MTA3: variants seen among roughly 807,000 people sequenced by gnomAD.
MTA3 encodes metastasis-associated protein MTA3.
A neutral mutation model predicts 83.5 loss-of-function variants in MTA3; 34 were observed. That is an observed-to-expected ratio of 0.41 (90% CI 0.31 to 0.54). The LOEUF (loss-of-function observed/expected upper bound fraction) is 0.54. Among genes scored for constraint, MTA3 ranks in the 20% least tolerant of loss-of-function variants. The pLI is 0.33. For synonymous variants in MTA3, 303 were observed against 252.7 expected (o/e 1.20, Z -1.89); for missense variants, 761 against 726.4 (o/e 1.05, Z -0.55).
intron 11 of MTA3, chr2:42,703,301 A>G (rs1665756956): frequency 6.6e-6 from 1 of 152,190 alleles, no homozygotes; most frequent in African/African-American, 2.4e-5. Flanking sequence ...ATGCTATGTA[A>G]TATTTCTGAT....
At chr2:42,663,222 T>G (rs1009401116) in intron 8 of MTA3, among the ~76,000 whole-genome samples, 1 of 152,170 alleles carries the variant, frequency 6.6e-6, no homozygotes, top group African/African-American at 2.4e-5. Context: ...AGCTTGTTCC[T>G]GAGATGGTGG....
At chr2:42,553,883 A>G (rs1457935395) in intron 2 of MTA3, among the ~76,000 whole-genome samples, 3 of 53,530 alleles carry the variant, frequency 5.6e-5, no homozygotes, top group Admixed American at 2.2e-4. Context: ...AAAAAAAAAA[A>G]AAAAGAAAAA....
intron 4 of MTA3, among the ~76,000 whole-genome samples, chr2:42,637,083 G>C (rs1213244101): frequency 1.3e-5 from 2 of 152,230 alleles, no homozygotes; most frequent in Non-Finnish European, 2.9e-5. Flanking sequence ...TTGAACGTGT[G>C]ACTTTGTTTT....
chr2:42,611,322 T>TAC (rs141803741), intron 4 of MTA3, among the ~76,000 whole-genome samples: 162 of 16,078 alleles, frequency 0.01, 1 homozygote, highest in Middle Eastern at 0.071. Flanking sequence ...ACTTAACACA[T>TAC]ACACACACAC....
chr2:42,532,814 G>T (rs2103725511), intron 2 of MTA3: 3 of 403,804 alleles, frequency 7.4e-6, no homozygotes, highest in South Asian at 2.3e-5. Context: ...CCTTCCCATT[G>T]GTTCTCTCAC....
At chr2:42,505,947 T>C (rs984492794) in intron 2 of MTA3, among the ~76,000 whole-genome samples, 3 of 151,836 alleles carry the variant, frequency 2.0e-5, no homozygotes, top group Non-Finnish European at 4.4e-5. Context: ...TTTTGAAATT[T>C]TAATAGAGCG....
At chr2:42,565,683 C>T (rs1677879139), upstream of MTA3, among the ~76,000 whole-genome samples, 2 of 151,994 alleles carry the variant, frequency 1.3e-5, no homozygotes, top group South Asian at 4.2e-4. Flanking sequence ...TATGAAGCGC[C>T]CAACAAGTGC....
At chr2:42,652,984 CTT>C (rs1423899412) in intron 6 of MTA3, among the ~76,000 whole-genome samples, 1 of 152,100 alleles carries the variant, frequency 6.6e-6, no homozygotes, top group Non-Finnish European at 1.5e-5. Context: ...AGGAAAGGGC[CTT>C]TAGGAATCCT....
intron 9 of MTA3, 74 bp downstream of exon 9, chr2:42,682,663 C>A: frequency 1.5e-6 from 2 of 1,339,524 alleles, no homozygotes; most frequent in Admixed American, 2.2e-5. Flanking sequence ...GTAAACCTTA[C>A]AGTATTCATT....
At chr2:42,565,656 A>T (rs564166082), upstream of MTA3, among the ~76,000 whole-genome samples, 1 of 152,276 alleles carries the variant, frequency 6.6e-6, no homozygotes, top group South Asian at 2.1e-4. Flanking sequence ...TGGAATAGAG[A>T]GAAGGGACCT....
At chr2:42,644,576 G>A (rs1417784514) in intron 6 of MTA3, among the ~76,000 whole-genome samples, 4 of 151,966 alleles carry the variant, frequency 2.6e-5, no homozygotes, top group African/African-American at 4.8e-5. Context: ...TGTTTTTACT[G>A]CACTTCATAT....
At chr2:42,663,300 A>G (rs771909693) in intron 8 of MTA3, among the ~76,000 whole-genome samples, 2 of 152,188 alleles carry the variant, frequency 1.3e-5, no homozygotes, top group African/African-American at 4.8e-5. Context: ...CTTGGTTCAC[A>G]GCTGCAGCAG....
intron 2 of MTA3, among the ~76,000 whole-genome samples, chr2:42,571,680 GC>G (rs1558445130): frequency 6.6e-6 from 1 of 152,168 alleles, no homozygotes; most frequent in African/African-American, 2.4e-5. Flanking sequence ...GGGTGCGGTG[GC>G]TCACGCCTGT....
intron 2 of MTA3, among the ~76,000 whole-genome samples, chr2:42,557,888 C>T (rs1677475438): frequency 6.6e-6 from 1 of 151,936 alleles, no homozygotes; most frequent in Admixed American, 6.6e-5. Context: ...TTCATGAGTC[C>T]CCTCTCTGTG....
chr2:42,621,132 G>GTT (rs3039328), intron 4 of MTA3, among the ~76,000 whole-genome samples: 100,362 of 137,404 alleles, frequency 0.73, 36,956 homozygotes, highest in South Asian at 0.84. Context: ...TCTTATTAGA[G>GTT]TTTTTTTTTT....
At chr2:42,604,183 A>G (rs1176265450) in intron 3 of MTA3, among the ~76,000 whole-genome samples, 3 of 151,670 alleles carry the variant, frequency 2.0e-5, no homozygotes, top group Non-Finnish European at 2.9e-5. Flanking sequence ...CTGGGATTAC[A>G]GGCTCCCGCC....
chr2:42,653,164 T>C (rs764347699), intron 6 of MTA3, among the ~76,000 whole-genome samples: 52 of 152,224 alleles, frequency 3.4e-4, no homozygotes, highest in Non-Finnish European at 7.5e-4. Flanking sequence ...TAGGAAGCTG[T>C]ATACAATCAC....
At chr2:42,586,051 A>T (rs1299792179) in intron 3 of MTA3, among the ~76,000 whole-genome samples, 1 of 152,008 alleles carries the variant, frequency 6.6e-6, no homozygotes, top group Non-Finnish European at 1.5e-5. Context: ...TGGGAGGCCG[A>T]GGTGGATGGA....
chr2:42,738,855 C>T (rs1668806668), intron 16 of MTA3, among the ~76,000 whole-genome samples: 2 of 152,166 alleles, frequency 1.3e-5, no homozygotes, highest in Non-Finnish European at 2.9e-5. Context: ...CTCCAGTCTC[C>T]CATAGCGCTC....
Sources: allele counts gnomAD v4.1 joint callset (sites outside exome capture counted in the v4.1 genomes callset), GRCh38; gene constraint gnomAD v4.1.1; transcripts MANE v1.5; gene names NCBI Gene and HGNC (gene_info 2026-07-23, HGNC 2026-07-21).